Variants in PRDM16 observed in about 807,000 individuals in gnomAD.
PRDM16 encodes histone-lysine N-methyltransferase PRDM16.
Under a neutral mutation model 110.6 loss-of-function variants are expected in PRDM16, and 23 were observed. The ratio of observed to expected loss-of-function variants is 0.21; its 90% confidence interval spans 0.15 to 0.29. PRDM16 has a LOEUF of 0.29. Ranked by LOEUF, PRDM16 falls within the 10% of genes least tolerant of loss-of-function variation. The pLI is 1.00. For synonymous variants in PRDM16, 799 were observed against 781.8 expected (o/e 1.02, Z -0.37); for missense variants, 1,615 against 1,794.3 (o/e 0.90, Z 1.81).
At chr1:3,292,812 A>G (rs1641006843) in intron 3 of PRDM16, among the ~76,000 whole-genome samples, 1 of 152,250 alleles carries the variant, frequency 6.6e-6, no homozygotes. Flanking sequence ...TCAGGAGGCC[A>G]GTCCCATTGC....
At chr1:3,304,806 C>G (rs982142188) in intron 3 of PRDM16, among the ~76,000 whole-genome samples, 5 of 152,170 alleles carry the variant, frequency 3.3e-5, no homozygotes, top group African/African-American at 1.2e-4. Context: ...CTCAGGACAC[C>G]GTGCCGCCCC....
At chr1:3,293,240 C>T (rs1641016627) in intron 3 of PRDM16, among the ~76,000 whole-genome samples, 1 of 152,236 alleles carries the variant, frequency 6.6e-6, no homozygotes, top group African/African-American at 2.4e-5. Flanking sequence ...AGGGGGCCCT[C>T]AGTGAAGCCT....
rs1373207592 is a variant in PRDM16, at chr1:3,243,625, A to G, written c.388-462A>G. ...ACCTGTCCAGGACCAGGCACAACCT[A>G]GGCCAAGTTACGTCTAAATACACGT... is the stretch of plus-strand genomic sequence containing the variant. On this transcript the variant is annotated intron_variant, in intron 2 of 16. Coordinates refer to ENST00000270722, the MANE Select transcript of PRDM16 (RefSeq NM_022114.4). This position sits in a 1 kb window ranked among gnomAD's most constrained non-coding sequence, Gnocchi z 5.5. 6.6e-6 allele frequency among the ~76,000 whole-genome samples: 1 copy of G among 152,256 alleles called. No homozygotes were observed. Among genetic ancestry groups the G allele is most frequent in the Non-Finnish European group, 1.5e-5 (1 of 68,048 alleles).
At position 3,151,647 on chromosome 1, in the gene PRDM16, C is replaced by T. The variant is rs575014011; in HGVS notation, c.38-34478C>T. On this transcript the variant is annotated intron_variant, in intron 1 of 16. Transcript: ENST00000270722. ...GCCAGCGTCGACACTGCTAGCCCCA[C>T]CGCCGTTCTGGGAGGCCGCCCACAG... 2.0e-5 allele frequency among the ~76,000 whole-genome samples: 3 copies of T among 152,382 alleles called. No homozygotes were observed. In the East Asian group the frequency reaches 5.8e-4, roughly 29 times the overall value.
chr1:3,191,180 A>C (rs1638301214), intron 2 of PRDM16, among the ~76,000 whole-genome samples: 1 of 152,248 alleles, frequency 6.6e-6, no homozygotes. Flanking sequence ...GGCCAGGTGA[A>C]AAATGTTAAT....
At chr1:3,261,662 C>T (rs1254675557) in intron 3 of PRDM16, among the ~76,000 whole-genome samples, 1 of 152,184 alleles carries the variant, frequency 6.6e-6, no homozygotes, top group Non-Finnish European at 1.5e-5. Context: ...TAACTGGGTT[C>T]CTGGGGGAGA....
At chr1:3,421,806 T>C (rs1308638469) in intron 12 of PRDM16, among the ~76,000 whole-genome samples, 3 of 152,256 alleles carry the variant, frequency 2.0e-5, no homozygotes, top group African/African-American at 7.2e-5. Flanking sequence ...AGTCTCTGCA[T>C]TTCCAAAGAA....
chr1:3,303,411 T>C (rs1641248085), intron 3 of PRDM16, among the ~76,000 whole-genome samples: 1 of 152,162 alleles, frequency 6.6e-6, no homozygotes, highest in Non-Finnish European at 1.5e-5. Context: ...CCACTCCTTT[T>C]TATGGCCCAA....
intron 2 of PRDM16, among the ~76,000 whole-genome samples, chr1:3,198,876 C>A (rs559600530): frequency 6.6e-6 from 1 of 152,308 alleles, no homozygotes; most frequent in East Asian, 1.9e-4. Flanking sequence ...ACGTCCACTC[C>A]GTTCCCATTT....
At chr1:3,400,852 A>G (rs900227745) in intron 5 of PRDM16, among the ~76,000 whole-genome samples, 2 of 152,138 alleles carry the variant, frequency 1.3e-5, no homozygotes, top group Non-Finnish European at 2.9e-5. Context: ...CCCAATGCAC[A>G]CACCCCTGGG....
intron 2 of PRDM16, among the ~76,000 whole-genome samples, chr1:3,241,706 A>G (rs1235223206): frequency 2.0e-5 from 3 of 152,246 alleles, no homozygotes; most frequent in Non-Finnish European, 4.4e-5. Context: ...GGATGGGTTT[A>G]TGGGGGCATT....
chr1:3,388,955 G>A (rs114922556), intron 4 of PRDM16, among the ~76,000 whole-genome samples: 3,777 of 152,266 alleles, frequency 0.025, 135 homozygotes, highest in African/African-American at 0.084. Flanking sequence ...GCTTTGGGGC[G>A]CTCCAGGGCA....
In PRDM16 at chr1:3,405,515, C is replaced by T. The variant is rs1458000959; in HGVS notation, c.1053C>T (p.Asn351=). ...CCCAGGTGTTCACGGACCCCAGCAA[C>T]CTTCAGCGGCACATCCGCTCGCAGC... is the stretch of plus-strand genomic sequence containing the variant. ...NCVKVFTDPS[N]LQRHIRSQHV... is the part of the protein sequence containing the mutation. Residue 351 remains asparagine, a synonymous_variant, in exon 8 of 17, where the codon AAC becomes AAT. Coordinates refer to ENST00000270722, the MANE Select transcript of PRDM16 (RefSeq NM_022114.4). 10 of 1,594,514 alleles carry T rather than the reference C, an allele frequency of 6.3e-6. No homozygotes were observed. In the South Asian group the frequency reaches 1.1e-4, roughly 18 times the overall value.
At chr1:3,433,534 G>GTGTGTGTC (rs1638827266) in intron 16 of PRDM16, 143 bp from the exon 17 acceptor site, 12 of 236,132 alleles carry the variant, frequency 5.1e-5, no homozygotes, top group Admixed American at 2.6e-4. Context: ...GCCTGTCTGG[G>GTGTGTGTC]ATGGCCCGCC....
At chr1:3,130,793 G>T (rs1184591426) in intron 1 of PRDM16, among the ~76,000 whole-genome samples, 2 of 114,904 alleles carry the variant, frequency 1.7e-5, no homozygotes, top group African/African-American at 1.0e-4. Flanking sequence ...GCGGTGGGGG[G>T]GCTGTTTTTT....
intron 8 of PRDM16, among the ~76,000 whole-genome samples, chr1:3,408,455 C>T (rs565240008): frequency 2.6e-5 from 4 of 152,350 alleles, no homozygotes; most frequent in South Asian, 2.1e-4. Context: ...GCAGAAAGAG[C>T]CTTTGCTTTA....
At position 3,408,258 on chromosome 1, in the gene PRDM16, C is replaced by T. The variant is rs536873043; in HGVS notation, c.1186+2610C>T. ...GCCCCCACCTCACTGGCCACACAGA[C>T]GGAGGGGGTGTCATTCCTGGTGGTG... On this transcript the variant is annotated intron_variant, in intron 8 of 16. Transcript: ENST00000270722. Among the ~76,000 whole-genome samples the T allele has an allele frequency of 3.9e-5, 6 of 152,310 alleles. No homozygotes were observed. In the South Asian group the frequency reaches 6.2e-4, roughly 16 times the overall value.
intron 3 of PRDM16, among the ~76,000 whole-genome samples, chr1:3,301,356 AAAAAAG>A (rs1641205541): frequency 6.6e-6 from 1 of 151,870 alleles, no homozygotes; most frequent in Non-Finnish European, 1.5e-5. Flanking sequence ...AAAAGAAAAA[AAAAAAG>A]GAAGGAAGGA....
chr1:3,415,067 G>A (rs1454346081), intron 10 of PRDM16, among the ~76,000 whole-genome samples: 1 of 152,216 alleles, frequency 6.6e-6, no homozygotes, highest in Admixed American at 6.5e-5. Flanking sequence ...CGGAAGAGAG[G>A]AAGGGCCTGA....
Sources: gnomAD v4.1 joint callset for allele counts (sites outside exome capture counted in the v4.1 genomes callset) on GRCh38, gnomAD v4.1.1 for gene constraint, Gnocchi (gnomAD v3.1) non-coding constraint, MANE v1.5 for transcripts, NCBI Gene and HGNC (gene_info 2026-07-23, HGNC 2026-07-21) for gene names.